DSCAM: variants seen among roughly 807,000 people sequenced by gnomAD.
DSCAM encodes DS cell adhesion molecule.
Under a neutral mutation model 217.7 loss-of-function variants are expected in DSCAM, and 47 were observed. That is an observed-to-expected ratio of 0.22 (90% confidence interval 0.17 to 0.28). The LOEUF (loss-of-function observed/expected upper bound fraction) is 0.28. Ranked by LOEUF, DSCAM falls within the 10% of genes least tolerant of loss-of-function variation. The probability of loss-of-function intolerance (pLI) is 1.00; values close to 1 mark genes in which losing one functional copy is unlikely to be tolerated. For synonymous variants in DSCAM, 1,056 were observed against 1,015.3 expected (o/e 1.04, Z -0.76); for missense variants, 2,080 against 2,618.3 (o/e 0.79, Z 4.49).
At chr21:40,149,550 A>C (rs576548814) in intron 16 of DSCAM, among the ~76,000 whole-genome samples, 14 of 143,662 alleles carry the variant, frequency 9.7e-5, no homozygotes, top group Non-Finnish European at 1.7e-4. Flanking sequence ...CTGTCACCAC[A>C]ACATCCATCA....
intron 3 of DSCAM, among the ~76,000 whole-genome samples, chr21:40,646,640 G>A (rs539567682): frequency 5.9e-5 from 9 of 152,318 alleles, no homozygotes; most frequent in Non-Finnish European, 8.8e-5. Context: ...ATGTAAAAGC[G>A]AAGAGTGGCT....
chr21:40,510,564 G>A (rs879788554), intron 3 of DSCAM, among the ~76,000 whole-genome samples: 1 of 152,174 alleles, frequency 6.6e-6, no homozygotes, highest in African/African-American at 2.4e-5. Flanking sequence ...ACAGAAGTTG[G>A]GTGTGTTCCA....
At chr21:40,215,488 T>A (rs4602294) in intron 11 of DSCAM, among the ~76,000 whole-genome samples, 98 of 143,848 alleles carry the variant, frequency 6.8e-4, no homozygotes, top group African/African-American at 2.1e-3. Flanking sequence ...TAAAAAAAAA[T>A]ATAATGACTT....
At chr21:40,355,498 C>A (rs1208346740) in intron 4 of DSCAM, among the ~76,000 whole-genome samples, 2 of 152,208 alleles carry the variant, frequency 1.3e-5, no homozygotes, top group East Asian at 1.9e-4. Context: ...AGTGATGTTC[C>A]CAAGGTCATA....
chr21:40,061,077 A>T (rs1043922750), intron 28 of DSCAM, among the ~76,000 whole-genome samples: 3 of 152,232 alleles, frequency 2.0e-5, no homozygotes, highest in Admixed American at 6.5e-5. Flanking sequence ...GATTTCTGCT[A>T]CCAGTTGTCT....
chr21:40,489,910 C>T (rs543501042), intron 3 of DSCAM, among the ~76,000 whole-genome samples: 18 of 151,430 alleles, frequency 1.2e-4, no homozygotes, highest in Admixed American at 2.6e-4. Context: ...TAGGATACAA[C>T]GTAAGATTTT....
intron 1 of DSCAM, among the ~76,000 whole-genome samples, chr21:40,835,277 A>G (rs1213582072): frequency 6.6e-6 from 1 of 152,212 alleles, no homozygotes; most frequent in Non-Finnish European, 1.5e-5. Flanking sequence ...CTACTCTACT[A>G]CAAAATTTAA....
chr21:40,534,771 C>A (rs1736763360), intron 3 of DSCAM, among the ~76,000 whole-genome samples: 2 of 152,046 alleles, frequency 1.3e-5, no homozygotes, highest in African/African-American at 4.8e-5. Flanking sequence ...GTAATTACCC[C>A]AAAATAATCT....
At chr21:40,362,443 A>T (rs903631339) in intron 4 of DSCAM, among the ~76,000 whole-genome samples, 1 of 152,080 alleles carries the variant, frequency 6.6e-6, no homozygotes, top group African/African-American at 2.4e-5. Context: ...TCTCTCTTTG[A>T]GAGGGGTGCT....
chr21:40,830,954 G>C (rs2092007478), intron 1 of DSCAM, among the ~76,000 whole-genome samples: 3 of 152,198 alleles, frequency 2.0e-5, no homozygotes, highest in African/African-American at 7.2e-5. Context: ...GCCAAGGTTT[G>C]TGAGGTGGCT....
At chr21:40,093,305 G>A (rs2089634333) in intron 21 of DSCAM, among the ~76,000 whole-genome samples, 1 of 152,204 alleles carries the variant, frequency 6.6e-6, no homozygotes, top group African/African-American at 2.4e-5. Context: ...TCTGTCAACA[G>A]ATAGTGAATG....
chr21:40,035,929 G>A (rs1393825272), intron 32 of DSCAM, among the ~76,000 whole-genome samples: 10 of 149,186 alleles, frequency 6.7e-5, no homozygotes, highest in Admixed American at 2.0e-4. Context: ...GGTACATAAC[G>A]AAATGAAGCT....
intron 3 of DSCAM, chr21:40,384,453 C>T (rs2075060807): frequency 1.3e-5 from 2 of 152,164 alleles, no homozygotes; most frequent in African/African-American, 4.8e-5. Context: ...ACTAAAAATA[C>T]AAAGTTAGCC....
intron 13 of DSCAM, 64 bp downstream of exon 13, chr21:40,187,827 G>T: frequency 7.2e-7 from 1 of 1,386,828 alleles, no homozygotes; most frequent in African/African-American, 1.4e-5. Flanking sequence ...GATGCCTGAG[G>T]CTGAGCATAC....
chr21:40,146,582 GTT>G (rs1370229479), intron 16 of DSCAM, among the ~76,000 whole-genome samples: 1 of 152,094 alleles, frequency 6.6e-6, no homozygotes, highest in Admixed American at 6.6e-5. Flanking sequence ...AATCATTTTT[GTT>G]TTTCACAGCA....
At chr21:40,340,934 G>A (rs2074484180) in intron 6 of DSCAM, among the ~76,000 whole-genome samples, 2 of 152,156 alleles carry the variant, frequency 1.3e-5, no homozygotes, top group Admixed American at 1.3e-4. Context: ...GGCCAGTTAT[G>A]TAGGGTCTTC....
intron 3 of DSCAM, among the ~76,000 whole-genome samples, chr21:40,613,974 GAA>G (rs2146283414): frequency 6.6e-6 from 1 of 152,298 alleles, no homozygotes; most frequent in Admixed American, 6.5e-5. Context: ...TTGCACAAAA[GAA>G]AAACTCTGAG....
At chr21:40,141,196 A>T (rs2090285681) in intron 18 of DSCAM, among the ~76,000 whole-genome samples, 1 of 152,158 alleles carries the variant, frequency 6.6e-6, no homozygotes, top group African/African-American at 2.4e-5. Context: ...CTGCATGGGG[A>T]CAGGGGTCTG....
intron 3 of DSCAM, among the ~76,000 whole-genome samples, chr21:40,400,783 T>C (rs2075226598): frequency 6.6e-6 from 1 of 152,376 alleles, no homozygotes; most frequent in Admixed American, 6.5e-5. Context: ...TAAAATTGAT[T>C]GCCCTATCTT....
Sources: allele counts gnomAD v4.1 joint callset (sites outside exome capture counted in the v4.1 genomes callset), GRCh38; gene constraint gnomAD v4.1.1; transcripts MANE v1.5; gene names NCBI Gene and HGNC (gene_info 2026-07-23, HGNC 2026-07-21).